Variants in CABCOCO1 observed in about 807,000 individuals in gnomAD.
CABCOCO1 encodes ciliary-associated calcium-binding coiled-coil protein 1.
In CABCOCO1, 28 loss-of-function variants were observed where a neutral mutation model predicts 35.7. That is an observed-to-expected ratio of 0.78 (90% CI 0.58 to 1.07). CABCOCO1 has a LOEUF of 1.07. Ranked by LOEUF, CABCOCO1 falls within the 50% of genes least tolerant of loss-of-function variation. The pLI is 0.00. For synonymous variants in CABCOCO1, 95 were observed against 100.1 expected, an observed-to-expected ratio of 0.95 and a Z score of 0.30; for missense variants, 326 against 309.2, an observed-to-expected ratio of 1.05 and a Z score of -0.41.
intron 5 of CABCOCO1, among the ~76,000 whole-genome samples, chr10:61,694,531 C>T (rs1357045514): frequency 6.6e-6 from 1 of 151,570 alleles, no homozygotes; most frequent in Non-Finnish European, 1.5e-5. Flanking sequence ...AATTTATTAA[C>T]AGATTCATTT....
chr10:61,711,688 T>C (rs899815136), intron 5 of CABCOCO1, among the ~76,000 whole-genome samples: 1 of 151,948 alleles, frequency 6.6e-6, no homozygotes, highest in Non-Finnish European at 1.5e-5. Context: ...ACAAAAAATA[T>C]TTACAAGTTA....
At chr10:61,682,060 G>A (rs1839808344) in intron 3 of CABCOCO1, among the ~76,000 whole-genome samples, 1 of 152,122 alleles carries the variant, frequency 6.6e-6, no homozygotes, top group Non-Finnish European at 1.5e-5. Context: ...CGACTTCTGA[G>A]CTGAGTATTC....
At chr10:61,721,118 G>A (rs1272272146) in intron 5 of CABCOCO1, among the ~76,000 whole-genome samples, 2 of 151,502 alleles carry the variant, frequency 1.3e-5, no homozygotes, top group African/African-American at 4.9e-5. Context: ...TAGAGACGGG[G>A]TTTCACCGTG....
At chr10:61,726,093 C>T (rs1841142027) in intron 5 of CABCOCO1, among the ~76,000 whole-genome samples, 1 of 152,020 alleles carries the variant, frequency 6.6e-6, no homozygotes, top group Admixed American at 6.6e-5. Context: ...TAAAATCTAT[C>T]AAAATTTTAG....
At chr10:61,706,883 C>T (rs1840604938) in intron 5 of CABCOCO1, among the ~76,000 whole-genome samples, 1 of 152,140 alleles carries the variant, frequency 6.6e-6, no homozygotes. Flanking sequence ...CTGTTCCTTC[C>T]CCTTTCCCAA....
At chr10:61,721,974 A>G (rs1589140438) in intron 5 of CABCOCO1, among the ~76,000 whole-genome samples, 1 of 152,160 alleles carries the variant, frequency 6.6e-6, no homozygotes, top group Non-Finnish European at 1.5e-5. Context: ...ATCTATAAAA[A>G]TCTTCCACAG....
Position 61,765,938 on chromosome 10 carries a change from G to A in CABCOCO1, c.817-1G>A. On this transcript the variant is annotated splice_acceptor_variant, in intron 7 of 7. Coordinates refer to ENST00000648843, the MANE Select transcript of CABCOCO1 (RefSeq NM_001366906.2). LOFTEE classifies it high-confidence loss of function. ...CACGTTTTTTATGATTGTCTTCACA[G>A]ACCGAGATAAACGAAAAACTGCAAA... is the stretch of plus-strand genomic sequence containing the variant. 6.2e-7 allele frequency: 1 copy of A among 1,612,208 alleles called. No homozygotes were observed. Among genetic ancestry groups the A allele is most frequent in the Non-Finnish European group, 8.5e-7 (1 of 1,178,990 alleles).
At chr10:61,690,146 C>A (rs564977362) in intron 4 of CABCOCO1, among the ~76,000 whole-genome samples, 4 of 152,088 alleles carry the variant, frequency 2.6e-5, no homozygotes, top group Non-Finnish European at 1.5e-5. Flanking sequence ...TAATTCAGTG[C>A]CATTTGTACC....
chr10:61,753,851 A>C (rs1841843841), intron 5 of CABCOCO1, among the ~76,000 whole-genome samples: 1 of 152,138 alleles, frequency 6.6e-6, no homozygotes, highest in Admixed American at 6.6e-5. Flanking sequence ...TATATGTTTG[A>C]TACTTTAAAG....
intron 2 of CABCOCO1, among the ~76,000 whole-genome samples, chr10:61,678,678 C>A (rs1252070163): frequency 6.6e-6 from 1 of 152,092 alleles, no homozygotes. Context: ...TACAAGATAA[C>A]TGGCGGTAGC....
At chr10:61,752,194 G>A (rs1189540267) in intron 5 of CABCOCO1, among the ~76,000 whole-genome samples, 5 of 152,104 alleles carry the variant, frequency 3.3e-5, no homozygotes, top group Non-Finnish European at 7.4e-5. Flanking sequence ...AGGCTGCCTT[G>A]CCTAGGAGGA....
chr10:61,731,858 C>G (rs990771962), intron 5 of CABCOCO1, among the ~76,000 whole-genome samples: 2 of 151,852 alleles, frequency 1.3e-5, no homozygotes, highest in Non-Finnish European at 2.9e-5. Flanking sequence ...TAAAATCCAG[C>G]AGAAATTGCT....
chr10:61,697,852 A>G (rs1379194270), intron 5 of CABCOCO1, among the ~76,000 whole-genome samples: 4 of 152,026 alleles, frequency 2.6e-5, no homozygotes, highest in Non-Finnish European at 5.9e-5. Context: ...AAATACGTGA[A>G]CTCTCAATCC....
intron 5 of CABCOCO1, among the ~76,000 whole-genome samples, chr10:61,753,596 G>T (rs982929762): frequency 1.3e-5 from 2 of 152,048 alleles, no homozygotes; most frequent in Non-Finnish European, 2.9e-5. Flanking sequence ...AATGTAATCA[G>T]GGCAACCACA....
intron 5 of CABCOCO1, among the ~76,000 whole-genome samples, chr10:61,749,310 T>C (rs1355155275): frequency 6.6e-6 from 1 of 152,220 alleles, no homozygotes; most frequent in African/African-American, 2.4e-5. Context: ...AGGTTATTGG[T>C]TGTTTTTCTG....
chr10:61,670,457 T>G (rs935523777), intron 1 of CABCOCO1, among the ~76,000 whole-genome samples: 5 of 152,180 alleles, frequency 3.3e-5, no homozygotes, highest in African/African-American at 1.2e-4. Flanking sequence ...GTAGCATATT[T>G]TATTTCTAAA....
intron 2 of CABCOCO1, among the ~76,000 whole-genome samples, chr10:61,680,352 T>C (rs1241553632): frequency 7.2e-6 from 1 of 138,696 alleles, no homozygotes; most frequent in Non-Finnish European, 1.5e-5. Context: ...ATATAACATA[T>C]ATAATATATA....
At chr10:61,713,473 T>C (rs1395989741) in intron 5 of CABCOCO1, among the ~76,000 whole-genome samples, 2 of 152,208 alleles carry the variant, frequency 1.3e-5, no homozygotes, top group Non-Finnish European at 2.9e-5. Context: ...CAATTTGACT[T>C]CCTCTTTTCC....
intron 5 of CABCOCO1, among the ~76,000 whole-genome samples, chr10:61,748,603 G>A (rs987942318): frequency 6.6e-6 from 1 of 152,216 alleles, no homozygotes; most frequent in Non-Finnish European, 1.5e-5. Context: ...TGAATCCTCA[G>A]AGAGCTGCAG....
Sources: allele counts gnomAD v4.1 joint callset (sites outside exome capture counted in the v4.1 genomes callset), GRCh38; gene constraint gnomAD v4.1.1; transcripts MANE v1.5; gene names NCBI Gene and HGNC (gene_info 2026-07-23, HGNC 2026-07-21).